SKIL: variants seen among roughly 807,000 people sequenced by gnomAD.
SKIL encodes SKI like proto-oncogene.
SKIL carries 20 observed loss-of-function variants against 69.6 expected under a neutral mutation model. That is an observed-to-expected ratio of 0.29 (90% CI 0.20 to 0.42). The LOEUF (loss-of-function observed/expected upper bound fraction) is 0.42. SKIL is among the 10% of genes least tolerant of loss of function. The pLI is 1.00. For missense variants in SKIL, 745 were observed against 783.1 expected (o/e 0.95, Z 0.58); for synonymous variants, 310 against 279.9 (o/e 1.11, Z -1.08).
In SKIL at chr3:170,392,567, T is replaced by C. The variant is rs1737979338; in HGVS notation, c.*150T>C. The C allele has an allele frequency of 2.2e-6, 1 of 446,206 alleles. No individual in the cohort carries two copies. 27.6% of individuals were successfully genotyped at this position (446,206 alleles called of 1,614,324 possible). Reference sequence around the variant, plus strand: ...GATCAGAGAAAGTGAAGAGATTATATATTAGTACTTAAATTTTTACATTTT... The same window carrying C: ...GATCAGAGAAAGTGAAGAGATTATACATTAGTACTTAAATTTTTACATTTT... On this transcript the variant is annotated 3_prime_UTR_variant, in exon 7 of 7. Coordinates refer to ENST00000259119, the MANE Select transcript of SKIL (RefSeq NM_005414.5).
Position 170,375,175 on chromosome 3 carries a change from T to G in SKIL, c.1099-6069T>G, listed in dbSNP as rs549888761. ...TTAAATAGGGAATTCAGACATTGGC[T>G]AGGGGACTATGCTAGGTGATCTTTA... On this transcript the variant is annotated intron_variant, in intron 2 of 6. Transcript: ENST00000259119. 2.6e-3 allele frequency among the ~76,000 whole-genome samples: 393 copies of G among 152,348 alleles called. 4 individuals are homozygous for G. Among genetic ancestry groups the G allele is most frequent in the African/African-American group, 8.1e-3 (336 of 41,578 alleles).
chr3:170,373,106 C>T (rs1560212282), intron 2 of SKIL, among the ~76,000 whole-genome samples: 1 of 151,150 alleles, frequency 6.6e-6, no homozygotes, highest in Non-Finnish European at 1.5e-5. Context: ...AAGCGATTCT[C>T]TTGTTGCAGC....
At position 170,394,115 on chromosome 3, in the gene SKIL, A is replaced by ATTTTTTTT. The variant is rs559327626; in HGVS notation, c.*1722_*1729dup. On this transcript the variant is annotated 3_prime_UTR_variant, in exon 7 of 7. Coordinates refer to ENST00000259119, the MANE Select transcript of SKIL (RefSeq NM_005414.5). The stretch of plus-strand genomic sequence containing the variant: ...ATATTAAAATGACATGTAGAAACAA[A>ATTTTTTTT]TTTTTTTTTTTTTTTTTTTTTTTTT... 22 of 74,366 alleles carry ATTTTTTTT rather than the reference A, an allele frequency of 3.0e-4. 1 individual carries two copies. Among genetic ancestry groups the ATTTTTTTT allele is most frequent in the African/African-American group, 1.0e-3 (20 of 19,336 alleles). The allele number at this position is 74,366 out of a possible 1,614,324, so 4.6% of individuals were successfully genotyped here. A position where few individuals can be genotyped will look rare whatever the true frequency, so the allele number is the denominator to read the frequency against.
intron 3 of SKIL, among the ~76,000 whole-genome samples, chr3:170,382,349 CTTTAA>C (rs1212195430): frequency 4.0e-5 from 6 of 150,908 alleles, no homozygotes; most frequent in African/African-American, 9.7e-5. Context: ...GGAAGTTCTC[CTTTAA>C]TTTCTTACTT....
At chr3:170,388,995 G>A (rs1170584288) in intron 4 of SKIL, among the ~76,000 whole-genome samples, 2 of 151,898 alleles carry the variant, frequency 1.3e-5, no homozygotes, top group African/African-American at 4.8e-5. Flanking sequence ...TCAGCCTCCT[G>A]AGTAGCTGGG....
rs1348931855 is a variant in SKIL, at chr3:170,394,829, A to G, written c.*2412A>G. ...GCAACACATAGCTTCAAAACAATAT[A>G]GAGATTTTGTAATACCTTATAAGTG... On this transcript the variant is annotated 3_prime_UTR_variant, in exon 7 of 7. Coordinates refer to ENST00000259119, the MANE Select transcript of SKIL (RefSeq NM_005414.5). 6.6e-6 allele frequency: 1 copy of G among 152,178 alleles called. No individual in the cohort carries two copies. Among genetic ancestry groups the G allele is most frequent in the African/African-American group, 2.4e-5 (1 of 41,456 alleles). 9.4% of individuals were successfully genotyped at this position (152,178 alleles called of 1,614,324 possible).
intron 3 of SKIL, among the ~76,000 whole-genome samples, chr3:170,382,818 A>G (rs1208692101): frequency 6.7e-6 from 1 of 149,354 alleles, no homozygotes; most frequent in African/African-American, 2.5e-5. Flanking sequence ...TCCCGGGTTC[A>G]AGCATTTCTC....
intron 2 of SKIL, among the ~76,000 whole-genome samples, chr3:170,368,916 G>T (rs1443809026): frequency 6.6e-5 from 10 of 152,154 alleles, no homozygotes; most frequent in Admixed American, 6.6e-4. Flanking sequence ...CCACATTGGG[G>T]TTTTGAATGA....
At chr3:170,370,388 A>G (rs1228922764) in intron 2 of SKIL, among the ~76,000 whole-genome samples, 2 of 140,352 alleles carry the variant, frequency 1.4e-5, no homozygotes, top group Non-Finnish European at 3.1e-5. Flanking sequence ...GAAATATGTA[A>G]TATTTCTATA....
intron 3 of SKIL, among the ~76,000 whole-genome samples, chr3:170,384,142 C>T (rs1332558783): frequency 6.6e-6 from 1 of 151,592 alleles, no homozygotes; most frequent in Non-Finnish European, 1.5e-5. Flanking sequence ...CACTTGAGCC[C>T]AGGAGTTCAA....
At chr3:170,371,898 A>G (rs759691941) in intron 2 of SKIL, among the ~76,000 whole-genome samples, 5 of 152,246 alleles carry the variant, frequency 3.3e-5, no homozygotes, top group Non-Finnish European at 7.3e-5. Flanking sequence ...AATAGAGGAC[A>G]TTGCACATAG....
chr3:170,367,834 T>A lies in SKIL; in HGVS notation c.1098+6405T>A, dbSNP rs1306979502. Among the ~76,000 whole-genome samples, 11 of 152,194 alleles carry A rather than the reference T, an allele frequency of 7.2e-5. No homozygotes were observed. In the East Asian group the frequency reaches 2.1e-3, roughly 29 times the overall value. ...GTAAGTAAAATATTTTAGTTTTTAATCTACTTAGGGGGGAAAAATCTCTAT... is the reference window on the plus strand; with the variant it reads ...GTAAGTAAAATATTTTAGTTTTTAAACTACTTAGGGGGGAAAAATCTCTAT... On this transcript the variant is annotated intron_variant, in intron 2 of 6. Coordinates refer to ENST00000259119, the MANE Select transcript of SKIL (RefSeq NM_005414.5).
At chr3:170,375,102 C>G (rs1470576926) in intron 2 of SKIL, among the ~76,000 whole-genome samples, 1 of 152,160 alleles carries the variant, frequency 6.6e-6, no homozygotes, top group African/African-American at 2.4e-5. Context: ...GGTTCTTGAC[C>G]TCAAGCTGCT....
Position 170,388,860 on chromosome 3 carries a change from G to GTATTTATT in SKIL, c.1430-1345_1430-1338dup, listed in dbSNP as rs71634466. Among the ~76,000 whole-genome samples, 260 of 112,112 alleles carry GTATTTATT rather than the reference G, an allele frequency of 2.3e-3. 1 individual carries two copies. Among genetic ancestry groups the GTATTTATT allele is most frequent in the African/African-American group, 8.6e-3 (246 of 28,636 alleles). The allele number at this position is 112,112 out of a possible 152,430, so 73.5% of individuals were successfully genotyped here. On this transcript the variant is annotated intron_variant, in intron 4 of 6. Coordinates refer to ENST00000259119, the MANE Select transcript of SKIL (RefSeq NM_005414.5). ...CCAATTCCAAGAAATATTTATTTAT[G>GTATTTATT]TATTTATTTATTTATTTATTTATTT...
At chr3:170,364,270 G>A (rs549402129) in intron 2 of SKIL, among the ~76,000 whole-genome samples, 2 of 144,832 alleles carry the variant, frequency 1.4e-5, no homozygotes, top group African/African-American at 5.1e-5. Flanking sequence ...ACTCTTACAT[G>A]TCTGTTGGAG....
At chr3:170,358,146 C>T (rs1406804292) in intron 1 of SKIL, among the ~76,000 whole-genome samples, 3 of 152,202 alleles carry the variant, frequency 2.0e-5, no homozygotes, top group Non-Finnish European at 4.4e-5. Flanking sequence ...CGTCAGCCCC[C>T]GGCGGCGCAG....
In SKIL at chr3:170,375,221, T is replaced by C. The variant is rs535856290; in HGVS notation, c.1099-6023T>C. Among the ~76,000 whole-genome samples, 38 of 152,312 alleles carry C rather than the reference T, an allele frequency of 2.5e-4. 1 individual carries two copies. The South Asian group carries it at 6.0e-3, about 24-fold the overall frequency. ...CTTTAAGATTCCTTAGAAGCTCTAG[T>C]CTGACTCTTACTGGGTTGGTCAAGA... On this transcript the variant is annotated intron_variant, in intron 2 of 6. Coordinates refer to ENST00000259119, the MANE Select transcript of SKIL (RefSeq NM_005414.5).
chr3:170,363,405 C>T (rs1389342278), intron 2 of SKIL, among the ~76,000 whole-genome samples: 1 of 152,140 alleles, frequency 6.6e-6, no homozygotes, highest in Non-Finnish European at 1.5e-5. Flanking sequence ...TTGCTGCTTG[C>T]TGCTTCCAGA....
intron 1 of SKIL, among the ~76,000 whole-genome samples, chr3:170,358,085 CT>C (rs1296667691): frequency 2.0e-5 from 3 of 152,174 alleles, no homozygotes; most frequent in South Asian, 2.1e-4. Context: ...CACCGCCCCC[CT>C]CCCCCAGTCC....
Sources: gnomAD v4.1 joint callset for allele counts (sites outside exome capture counted in the v4.1 genomes callset) on GRCh38, gnomAD v4.1.1 for gene constraint, MANE v1.5 for transcripts, NCBI Gene and HGNC (gene_info 2026-07-23, HGNC 2026-07-21) for gene names.